FBXW8: variants seen among roughly 807,000 people sequenced by gnomAD.
FBXW8 encodes the protein F-box/WD repeat-containing protein 8.
A neutral mutation model predicts 65.3 loss-of-function variants in FBXW8; 57 were observed. The ratio of observed to expected loss-of-function variants is 0.87; its 90% CI spans 0.71 to 1.09. FBXW8 has a LOEUF of 1.09. FBXW8 is among the 50% of genes least tolerant of loss of function. The pLI, the probability that FBXW8 is intolerant of heterozygous loss-of-function variation, is 0.00. For missense variants in FBXW8, 777 were observed against 814.8 expected (o/e 0.95, Z 0.57); for synonymous variants, 308 against 330.2 (o/e 0.93, Z 0.73).
intron 4 of FBXW8, among the ~76,000 whole-genome samples, chr12:116,952,303 G>A (rs972596963): frequency 3.3e-5 from 5 of 152,194 alleles, no homozygotes; most frequent in African/African-American, 1.2e-4. Flanking sequence ...ACCAAAGGAT[G>A]CATTTTTCTG....
chr12:117,002,516 C>T (rs1026368421), intron 7 of FBXW8: 1 of 152,156 alleles, frequency 6.6e-6, no homozygotes, highest in African/African-American at 2.4e-5. Context: ...GCGAAGTGCA[C>T]CTGAAAGGCA....
intron 7 of FBXW8, among the ~76,000 whole-genome samples, chr12:117,008,760 T>C (rs1953735683): frequency 6.9e-6 from 1 of 145,274 alleles, no homozygotes; most frequent in Non-Finnish European, 1.5e-5. Flanking sequence ...ATCACTCTCA[T>C]GTGTGTGCTG....
chr12:116,993,413 T>C (rs945547376), intron 7 of FBXW8, among the ~76,000 whole-genome samples: 14 of 152,168 alleles, frequency 9.2e-5, no homozygotes, highest in Non-Finnish European at 1.9e-4. Context: ...GTTTTTTGAT[T>C]TTTTAATAAT....
At chr12:116,934,495 A>G (rs1013663870) in intron 2 of FBXW8, among the ~76,000 whole-genome samples, 3 of 152,206 alleles carry the variant, frequency 2.0e-5, no homozygotes, top group Non-Finnish European at 2.9e-5. Flanking sequence ...TTAGTCGATA[A>G]CAATGATACA....
intron 7 of FBXW8, among the ~76,000 whole-genome samples, chr12:117,003,769 G>C (rs983372837): frequency 6.6e-6 from 1 of 152,156 alleles, no homozygotes; most frequent in South Asian, 2.1e-4. Context: ...GACTGGTTTT[G>C]CCTTCCACTG....
chr12:117,014,932 T>G (rs1275542079), intron 8 of FBXW8, among the ~76,000 whole-genome samples: 1 of 152,184 alleles, frequency 6.6e-6, no homozygotes, highest in Admixed American at 6.5e-5. Context: ...CCCTTACAGT[T>G]CTCTGGTCAG....
intron 8 of FBXW8, 100 bp from the exon 9 acceptor site, chr12:117,024,047 C>T: frequency 1.6e-6 from 2 of 1,230,736 alleles, no homozygotes; most frequent in African/African-American, 1.5e-5. Context: ...TTTTTCATAG[C>T]AGTGTTGTGC....
At chr12:116,974,472 G>A (rs1402965129) in intron 5 of FBXW8, among the ~76,000 whole-genome samples, 1 of 152,126 alleles carries the variant, frequency 6.6e-6, no homozygotes, top group African/African-American at 2.4e-5. Flanking sequence ...AAAGCTGCTC[G>A]GGATCCCCTA....
At position 117,027,523 on chromosome 12, in the gene FBXW8, C is replaced by T. The variant is rs756918185; in HGVS notation, c.1652+19C>T. Reference sequence around the variant, plus strand: ...ACAGGAGGTTAGTGGTGGGGCCGGGCGAGTAAGAGACCATCTTAGTTTGAC... The same window carrying T: ...ACAGGAGGTTAGTGGTGGGGCCGGGTGAGTAAGAGACCATCTTAGTTTGAC... On this transcript the variant is annotated intron_variant, in intron 10 of 10. Coordinates refer to ENST00000652555, the MANE Select transcript of FBXW8 (RefSeq NM_153348.3). The T allele has an allele frequency of 1.6e-5, 26 of 1,589,582 alleles. 1 individual carries two copies. In the South Asian group the frequency reaches 2.2e-4, roughly 14 times the overall value.
intron 7 of FBXW8, among the ~76,000 whole-genome samples, chr12:117,008,999 G>A (rs903671448): frequency 5.3e-5 from 8 of 152,126 alleles, no homozygotes; most frequent in African/African-American, 1.2e-4. Context: ...CCCGGGAGGC[G>A]GAGCTTGCAG....
At chr12:117,000,271 C>G (rs543443954) in intron 7 of FBXW8, among the ~76,000 whole-genome samples, 3 of 152,350 alleles carry the variant, frequency 2.0e-5, no homozygotes, top group African/African-American at 7.2e-5. Flanking sequence ...CCACCGCACC[C>G]AGCCTGCATC....
chr12:117,021,016 A>T (rs1954080744), intron 8 of FBXW8, among the ~76,000 whole-genome samples: 1 of 152,146 alleles, frequency 6.6e-6, no homozygotes, highest in Non-Finnish European at 1.5e-5. Context: ...AGTGAGGTGC[A>T]TGTGGTATTT....
chr12:116,953,033 C>T (rs571674163), intron 4 of FBXW8, among the ~76,000 whole-genome samples: 12 of 152,276 alleles, frequency 7.9e-5, no homozygotes, highest in Admixed American at 2.0e-4. Flanking sequence ...CCACTGCACC[C>T]GGCCTGTAAG....
At chr12:116,959,828 A>G (rs1033356015) in intron 4 of FBXW8, among the ~76,000 whole-genome samples, 1 of 152,204 alleles carries the variant, frequency 6.6e-6, no homozygotes, top group Non-Finnish European at 1.5e-5. Context: ...TTTAGAGGTA[A>G]ACTCAACCTT....
chr12:116,928,880 G>A (rs1202627460), intron 2 of FBXW8, among the ~76,000 whole-genome samples: 1 of 152,068 alleles, frequency 6.6e-6, no homozygotes, highest in Non-Finnish European at 1.5e-5. Flanking sequence ...GGACGATCTT[G>A]GCTCACTGCA....
chr12:117,026,371 T>TTCCTTCAG (rs1954228717), intron 9 of FBXW8, among the ~76,000 whole-genome samples: 1 of 148,432 alleles, frequency 6.7e-6, no homozygotes, highest in Admixed American at 6.6e-5. Flanking sequence ...CACCAACACT[T>TTCCTTCAG]TCCTTCAGTC....
In FBXW8 at chr12:116,985,310, G is replaced by A. The variant is rs760766306; in HGVS notation, c.940G>A (p.Val314Met). ...ALALSQDDAT[V>M]ATASAFDVVM... The stretch of plus-strand genomic sequence containing the variant: ...AGCCCTCAGCCAGGACGATGCAACC[G>A]TGGCCACAGCTTCTGCTTTTGATGT... Residue 314 changes from valine (V) to methionine (M), a missense_variant, in exon 6 of 11, where the codon GTG (valine) becomes ATG (methionine). By Grantham distance (21) the Val-to-Met change is conservative (BLOSUM62 1). Coordinates refer to ENST00000652555, the MANE Select transcript of FBXW8 (RefSeq NM_153348.3). The A allele has an allele frequency of 1.3e-5, 21 of 1,614,190 alleles. No individual in the cohort carries two copies. The East Asian group carries it at 2.5e-4, about 19-fold the overall frequency.
intron 6 of FBXW8, among the ~76,000 whole-genome samples, chr12:116,987,813 A>C (rs1357093321): frequency 6.6e-6 from 1 of 152,226 alleles, no homozygotes; most frequent in African/African-American, 2.4e-5. Flanking sequence ...TGATGGTGGG[A>C]AATCTCCCCA....
Position 116,936,900 on chromosome 12 carries a change from G to C in FBXW8, c.424-8464G>C, listed in dbSNP as rs796109338. 3.3e-5 allele frequency among the ~76,000 whole-genome samples: 5 copies of C among 152,192 alleles called. No homozygotes were observed. Among genetic ancestry groups the C allele is most frequent in the African/African-American group, 9.6e-5 (4 of 41,538 alleles). ...GCCTTTGGAGTGCTTTGAGCAGAGG[G>C]GTGACAAGGGCTGCCCTACGTTTAA... On this transcript the variant is annotated intron_variant, in intron 2 of 10. Coordinates refer to ENST00000652555, the MANE Select transcript of FBXW8 (RefSeq NM_153348.3). The surrounding 1 kb of genome is among the most constrained non-coding windows in gnomAD (Gnocchi z 4.6).
Sources: gnomAD v4.1 joint callset for allele counts (sites outside exome capture counted in the v4.1 genomes callset) on GRCh38, gnomAD v4.1.1 for gene constraint, Gnocchi (gnomAD v3.1) non-coding constraint, MANE v1.5 for transcripts, NCBI Gene and HGNC (gene_info 2026-07-23, HGNC 2026-07-21) for gene names.